Variants in CSMD1 observed in about 807,000 individuals in gnomAD.
The protein encoded by CSMD1 is CUB and sushi domain-containing protein 1.
Under a neutral mutation model 417.5 loss-of-function variants are expected in CSMD1, and 213 were observed. The observed-to-expected ratio is 0.51, with a 90% CI of 0.46 to 0.57. The LOEUF (loss-of-function observed/expected upper bound fraction) is 0.57. Ranked by LOEUF, CSMD1 falls within the 20% of genes least tolerant of loss-of-function variation. The pLI, the probability that CSMD1 is intolerant of heterozygous loss-of-function variation, is 0.00. For synonymous variants in CSMD1, 2,862 were observed against 1,736.8 expected, an observed-to-expected ratio of 1.65 and a Z score of -16.11; for missense variants, 6,923 against 4,529.7, an observed-to-expected ratio of 1.53 and a Z score of -15.17.
intron 10 of CSMD1, among the ~76,000 whole-genome samples, chr8:3,541,827 C>A (rs1287925753): frequency 6.6e-6 from 1 of 151,678 alleles, no homozygotes; most frequent in Non-Finnish European, 1.5e-5. Context: ...ATGGCTTGCA[C>A]CTGCAATTCC....
chr8:3,529,997 T>A (rs1241167019), intron 10 of CSMD1, among the ~76,000 whole-genome samples: 3 of 151,886 alleles, frequency 2.0e-5, no homozygotes, highest in Non-Finnish European at 2.9e-5. Context: ...TGTTTCCCCA[T>A]GACAATTTAA....
intron 25 of CSMD1, among the ~76,000 whole-genome samples, chr8:3,300,903 G>A (rs956734396): frequency 2.2e-5 from 3 of 135,180 alleles, no homozygotes; most frequent in African/African-American, 8.3e-5. Flanking sequence ...AGGTTGCAGT[G>A]AGCCAGGATT....
intron 2 of CSMD1, among the ~76,000 whole-genome samples, chr8:4,472,717 C>T (rs1265520850): frequency 6.6e-6 from 1 of 151,874 alleles, no homozygotes; most frequent in Non-Finnish European, 1.5e-5. Context: ...TAGGTGTAAA[C>T]AGCACTTTTA....
intron 1 of CSMD1, among the ~76,000 whole-genome samples, chr8:4,842,155 A>G (rs773227153): frequency 4.6e-5 from 7 of 152,218 alleles, no homozygotes; most frequent in Non-Finnish European, 7.3e-5. Flanking sequence ...TTGCAGTATT[A>G]TTGAAAACAT....
At chr8:3,154,207 A>G (rs550181728) in intron 39 of CSMD1, among the ~76,000 whole-genome samples, 1 of 152,340 alleles carries the variant, frequency 6.6e-6, no homozygotes, top group African/African-American at 2.4e-5. Context: ...TCCTGACCTC[A>G]GGTGATCCAC....
At chr8:4,745,928 C>T (rs1378190482) in intron 1 of CSMD1, among the ~76,000 whole-genome samples, 1 of 152,160 alleles carries the variant, frequency 6.6e-6, no homozygotes, top group Non-Finnish European at 1.5e-5. Context: ...AACTTTTGAG[C>T]CACCATTTCC....
At chr8:3,712,275 T>G (rs28370934) in intron 6 of CSMD1, among the ~76,000 whole-genome samples, 5,472 of 152,148 alleles carry the variant, frequency 0.036, 347 homozygotes, top group African/African-American at 0.13. Context: ...CACACGTTTT[T>G]TGGGTTCTCC....
chr8:4,120,650 G>C (rs1802435357), intron 3 of CSMD1, among the ~76,000 whole-genome samples: 1 of 152,212 alleles, frequency 6.6e-6, no homozygotes, highest in African/African-American at 2.4e-5. Context: ...TCTCTAGTCA[G>C]TAACTTCATC....
intron 1 of CSMD1, among the ~76,000 whole-genome samples, chr8:4,859,713 C>A (rs1187117439): frequency 3.9e-5 from 6 of 151,922 alleles, no homozygotes; most frequent in African/African-American, 9.7e-5. Context: ...CAATGAGATA[C>A]CATCTCACAC....
intron 3 of CSMD1, among the ~76,000 whole-genome samples, chr8:4,043,061 G>A (rs1005189361): frequency 4.6e-5 from 7 of 152,010 alleles, no homozygotes; most frequent in African/African-American, 1.4e-4. Flanking sequence ...GAACCTTGGA[G>A]GCACAGGGTG....
At chr8:4,400,416 T>C (rs539831529) in intron 3 of CSMD1, among the ~76,000 whole-genome samples, 35 of 152,372 alleles carry the variant, frequency 2.3e-4, no homozygotes, top group African/African-American at 8.4e-4. Context: ...GAGCATATGT[T>C]TGTACATGTG....
At chr8:4,102,869 C>T (rs920372573) in intron 3 of CSMD1, among the ~76,000 whole-genome samples, 1 of 152,146 alleles carries the variant, frequency 6.6e-6, no homozygotes, top group South Asian at 2.1e-4. Flanking sequence ...AGAACCAGCG[C>T]CCTTACCTCT....
At chr8:4,832,525 A>G (rs888060463) in intron 1 of CSMD1, among the ~76,000 whole-genome samples, 2 of 152,196 alleles carry the variant, frequency 1.3e-5, no homozygotes, top group African/African-American at 4.8e-5. Context: ...GTGTGAGCTA[A>G]AACATGGAGG....
intron 3 of CSMD1, among the ~76,000 whole-genome samples, chr8:4,045,708 A>G (rs1425283800): frequency 6.6e-6 from 1 of 152,244 alleles, no homozygotes; most frequent in East Asian, 1.9e-4. Flanking sequence ...AGTAACCATA[A>G]GATTCAAAGA....
chr8:4,349,066 C>T (rs1483394354), intron 3 of CSMD1, among the ~76,000 whole-genome samples: 3 of 152,330 alleles, frequency 2.0e-5, no homozygotes, highest in East Asian at 1.9e-4. Flanking sequence ...AAATTATTAA[C>T]ATGACTCATG....
chr8:3,654,131 C>A (rs1045602149), intron 7 of CSMD1, among the ~76,000 whole-genome samples: 9 of 152,176 alleles, frequency 5.9e-5, no homozygotes, highest in African/African-American at 2.2e-4. Flanking sequence ...AACCACCCCT[C>A]ATCTTCACAG....
chr8:4,571,436 T>A (rs1798889208), intron 2 of CSMD1, among the ~76,000 whole-genome samples: 1 of 152,190 alleles, frequency 6.6e-6, no homozygotes, highest in Non-Finnish European at 1.5e-5. Context: ...TCAGTTTCCA[T>A]GTAGTTGATG....
chr8:3,861,043 T>C (rs1804667289), intron 5 of CSMD1, among the ~76,000 whole-genome samples: 1 of 152,216 alleles, frequency 6.6e-6, no homozygotes, highest in African/African-American at 2.4e-5. Flanking sequence ...CTGCTCTTAA[T>C]TTGCTCCTCT....
intron 2 of CSMD1, among the ~76,000 whole-genome samples, chr8:4,446,723 G>A (rs570606200): frequency 6.9e-6 from 1 of 145,650 alleles, no homozygotes; most frequent in South Asian, 2.2e-4. Flanking sequence ...TGAGTTGTGT[G>A]TGTGTGTGTC....
Sources: gnomAD v4.1 joint callset for allele counts (sites outside exome capture counted in the v4.1 genomes callset) on GRCh38, gnomAD v4.1.1 for gene constraint, MANE v1.5 for transcripts, NCBI Gene and HGNC (gene_info 2026-07-23, HGNC 2026-07-21) for gene names.